The following TNFSF4 variants were observed in gnomAD, a reference collection of about 807,000 sequenced individuals.
TNFSF4 encodes the protein TNF superfamily member 4.
Under a neutral mutation model 7.3 loss-of-function variants are expected in TNFSF4, and 4 were observed. The ratio of observed to expected loss-of-function variants is 0.55; its 90% CI spans 0.27 to 1.25. TNFSF4 has a LOEUF of 1.25. TNFSF4 is among the 50% of genes most tolerant of loss of function. TNFSF4 has a pLI of 0.12. For synonymous variants in TNFSF4, 76 were observed against 83.7 expected, an observed-to-expected ratio of 0.91 and a Z score of 0.50; for missense variants, 181 against 208.8, an observed-to-expected ratio of 0.87 and a Z score of 0.82.
the TNFSF4 span, among the ~76,000 whole-genome samples, chr1:173,419,722 AG>A: frequency 1.3e-5 from 2 of 152,174 alleles, no homozygotes; most frequent in Non-Finnish European, 2.9e-5. Flanking sequence ...AATAAAAGGA[AG>A]CAGCCCTGAT....
At chr1:173,324,744 A>T in the TNFSF4 span, among the ~76,000 whole-genome samples, 19 of 152,328 alleles carry the variant, frequency 1.2e-4, no homozygotes, top group East Asian at 2.9e-3. Context: ...CTTGAAACCA[A>T]CAAAGATCAA....
chr1:173,249,781 G>A, the TNFSF4 span, among the ~76,000 whole-genome samples: 1 of 152,328 alleles, frequency 6.6e-6, no homozygotes, highest in East Asian at 1.9e-4. Context: ...TAGTAAAAAT[G>A]GAGATAATAA....
the TNFSF4 span, among the ~76,000 whole-genome samples, chr1:173,333,241 A>G: frequency 6.6e-6 from 1 of 152,124 alleles, no homozygotes; most frequent in Admixed American, 6.6e-5. Flanking sequence ...TTTCTGGATG[A>G]ATTAACACTT....
chr1:173,349,648 G>A, the TNFSF4 span, among the ~76,000 whole-genome samples: 1 of 152,134 alleles, frequency 6.6e-6, no homozygotes, highest in African/African-American at 2.4e-5. Context: ...TTGGGAATAA[G>A]AATACACAAG....
chr1:173,231,875 A>G, the TNFSF4 span, among the ~76,000 whole-genome samples: 2 of 152,090 alleles, frequency 1.3e-5, no homozygotes, highest in Non-Finnish European at 2.9e-5. Context: ...TGCTTCAAAG[A>G]GAATAAAATA....
the TNFSF4 span, among the ~76,000 whole-genome samples, chr1:173,400,511 C>T: frequency 6.6e-6 from 1 of 152,146 alleles, no homozygotes; most frequent in African/African-American, 2.4e-5. Flanking sequence ...AGGAGAAATG[C>T]TTCAACCAGG....
chr1:173,254,579 G>C, the TNFSF4 span, among the ~76,000 whole-genome samples: 1 of 151,970 alleles, frequency 6.6e-6, no homozygotes, highest in Non-Finnish European at 1.5e-5. Flanking sequence ...TCACCTGTTG[G>C]GACTTAGTAA....
chr1:173,444,130 C>T, the TNFSF4 span, among the ~76,000 whole-genome samples: 1 of 152,068 alleles, frequency 6.6e-6, no homozygotes, highest in African/African-American at 2.4e-5. Flanking sequence ...TGTCCAAATA[C>T]CAAAATCGAA....
the TNFSF4 span, among the ~76,000 whole-genome samples, chr1:173,446,208 A>C: frequency 6.6e-6 from 1 of 152,220 alleles, no homozygotes; most frequent in Non-Finnish European, 1.5e-5. Context: ...AAGTAAAGAT[A>C]AACACTCTTG....
chr1:173,209,727 G>T (rs539992851), upstream of TNFSF4, among the ~76,000 whole-genome samples: 1 of 152,062 alleles, frequency 6.6e-6, no homozygotes, highest in Non-Finnish European at 1.5e-5. Context: ...GGTCACAAAT[G>T]CCTAGCCTCA....
chr1:173,288,355 G>C, the TNFSF4 span, among the ~76,000 whole-genome samples: 2 of 152,166 alleles, frequency 1.3e-5, no homozygotes, highest in Non-Finnish European at 2.9e-5. Flanking sequence ...AGGACTGCTT[G>C]AGCCCAGGAG....
chr1:173,413,616 G>A, the TNFSF4 span, among the ~76,000 whole-genome samples: 5 of 152,266 alleles, frequency 3.3e-5, no homozygotes, highest in South Asian at 1.0e-3. Context: ...GTGTTCACAG[G>A]GTCAGAGGAG....
chr1:173,367,036 A>G, the TNFSF4 span, among the ~76,000 whole-genome samples: 2 of 152,226 alleles, frequency 1.3e-5, no homozygotes, highest in Non-Finnish European at 2.9e-5. Flanking sequence ...AGTTTGGAAA[A>G]GTCAGATAAT....
At chr1:173,395,377 A>AT in the TNFSF4 span, among the ~76,000 whole-genome samples, 13 of 63,234 alleles carry the variant, frequency 2.1e-4, no homozygotes, top group East Asian at 1.5e-3. Context: ...CTGTGTATAT[A>AT]ATATATATAT....
At chr1:173,326,752 G>T in the TNFSF4 span, among the ~76,000 whole-genome samples, 1 of 152,016 alleles carries the variant, frequency 6.6e-6, no homozygotes, top group Non-Finnish European at 1.5e-5. Context: ...AATCATGAGT[G>T]AACTCCCATT....
the TNFSF4 span, among the ~76,000 whole-genome samples, chr1:173,383,009 G>A: frequency 6.6e-6 from 1 of 152,036 alleles, no homozygotes; most frequent in Non-Finnish European, 1.5e-5. Flanking sequence ...CTTGAGCTCT[G>A]GTACTCTGCT....
the TNFSF4 span, among the ~76,000 whole-genome samples, chr1:173,285,005 A>G: frequency 2.6e-5 from 4 of 152,226 alleles, no homozygotes; most frequent in Admixed American, 6.5e-5. Context: ...ATCTGCCATA[A>G]GTAACAATTC....
intron 2 of TNFSF4, among the ~76,000 whole-genome samples, chr1:173,188,216 G>A (rs970337115): frequency 6.6e-6 from 1 of 152,162 alleles, no homozygotes; most frequent in African/African-American, 2.4e-5. Flanking sequence ...TAAAGCCTTA[G>A]TTTCCCTAAC....
chr1:173,254,834 CAAAATGGAATCATAG>C, the TNFSF4 span, among the ~76,000 whole-genome samples: 1 of 152,120 alleles, frequency 6.6e-6, no homozygotes, highest in East Asian at 1.9e-4. Context: ...CTGCCTGCAA[CAAAATGGAATCATAG>C]AAAATGGAAT....
Sources: allele counts gnomAD v4.1 joint callset (sites outside exome capture counted in the v4.1 genomes callset), GRCh38; gene constraint gnomAD v4.1.1; transcripts MANE v1.5; gene names NCBI Gene and HGNC (gene_info 2026-07-23, HGNC 2026-07-21).